The following TMEM237 variants were observed in gnomAD, a reference collection of about 807,000 sequenced individuals.
The protein encoded by TMEM237 is transmembrane protein 237.
Under a neutral mutation model 59.1 loss-of-function variants are expected in TMEM237, and 51 were observed. That is an observed-to-expected ratio of 0.86 (90% CI 0.69 to 1.09). TMEM237 has a LOEUF of 1.09. Ranked by LOEUF, TMEM237 falls within the 50% of genes least tolerant of loss-of-function variation. TMEM237 has a pLI of 0.00. For missense variants in TMEM237, 475 were observed against 478.3 expected, an observed-to-expected ratio of 0.99 and a Z score of 0.06; for synonymous variants, 140 against 166.1, an observed-to-expected ratio of 0.84 and a Z score of 1.21.
intron 1 of TMEM237, chr2:201,642,851 A>C (rs937215040): frequency 5.2e-6 from 7 of 1,340,432 alleles, no homozygotes; most frequent in Non-Finnish European, 6.6e-6. Context: ...AGTTGGGGGT[A>C]ATGTGCCCAG....
intron 5 of TMEM237, chr2:201,634,462 CTTGGTGTACT>C (rs1304791044): frequency 6.6e-6 from 1 of 152,218 alleles, no homozygotes; most frequent in Non-Finnish European, 1.5e-5. Flanking sequence ...ACCTGCCAGG[CTTGGTGTACT>C]TTGGAATGGC....
intron 2 of TMEM237, 95 bp from the exon 3 acceptor site, chr2:201,640,360 AT>A: frequency 8.2e-7 from 1 of 1,215,496 alleles, no homozygotes; most frequent in Middle Eastern, 2.0e-4. Context: ...CACAGTGAAA[AT>A]TGACTTAAAT....
In TMEM237 at chr2:201,635,862, C is replaced by T. The variant is rs1444389356; in HGVS notation, c.274+886G>A. ...GCAGACAACTTGATTTTGGACTTCT[C>T]ACCTAAGAACTATGAAAAAATAAAC... On this transcript the variant is annotated intron_variant, in intron 5 of 12. Coordinates refer to ENST00000409883, the MANE Select transcript of TMEM237 (RefSeq NM_001044385.3). This position sits in a 1 kb window ranked among gnomAD's most constrained non-coding sequence, Gnocchi z 4.5. Among the ~76,000 whole-genome samples the T allele has an allele frequency of 6.6e-6, 1 of 151,916 alleles. No homozygotes were observed. The highest frequency in any genetic ancestry group is 1.9e-4 in the East Asian group (1 of 5,196).
At chr2:201,630,723 AT>A (rs2105899570) in intron 7 of TMEM237, among the ~76,000 whole-genome samples, 1 of 152,312 alleles carries the variant, frequency 6.6e-6, no homozygotes, top group South Asian at 2.1e-4. Context: ...AACTGCGGTA[AT>A]TTAAATGACC....
In TMEM237 at chr2:201,624,315, C is replaced by T. The variant is rs1425289487; in HGVS notation, c.1167G>A (p.Met389Ile). Residue 389 changes from methionine to isoleucine, a missense_variant, in exon 13 of 13, where the codon ATG (methionine) becomes ATA (isoleucine). Coordinates refer to ENST00000409883, the MANE Select transcript of TMEM237 (RefSeq NM_001044385.3). ...GATATTCTTCCACCTCTGAGGAGAA[C>T]ATTAACTCTGGAGAAGAAAATGAAC... ...RPGMDLSEEL[M>I]FSSEVEEYPD... 6.2e-7 allele frequency: 1 copy of T among 1,610,818 alleles called. No individual in the cohort carries two copies. The highest frequency in any genetic ancestry group is 2.2e-5 in the East Asian group (1 of 44,658).
chr2:201,625,356 C>T (rs1237482843), intron 12 of TMEM237, among the ~76,000 whole-genome samples: 1 of 151,008 alleles, frequency 6.6e-6, no homozygotes, highest in Admixed American at 6.6e-5. Context: ...AGCGAGACTC[C>T]ATCTCCAAAA....
chr2:201,643,046 G>C lies in TMEM237; in HGVS notation c.42+313C>G. On this transcript the variant is annotated intron_variant, in intron 1 of 12. Coordinates refer to ENST00000409883, the MANE Select transcript of TMEM237 (RefSeq NM_001044385.3). This position sits in a 1 kb window ranked among gnomAD's most constrained non-coding sequence, Gnocchi z 4.3. ...CTCGGAGGAGTCTAGGAGAGGCCTG[G>C]CTGGAAGCCCCGGCACCCGCCGGGC... The C allele has an allele frequency of 8.0e-7, 1 of 1,254,050 alleles. No individual in the cohort carries two copies. Among genetic ancestry groups the C allele is most frequent in the Non-Finnish European group, 1.0e-6 (1 of 977,764 alleles). 77.7% of individuals were successfully genotyped at this position (1,254,050 alleles called of 1,614,324 possible).
chr2:201,624,971 T>G (rs1957744249), intron 12 of TMEM237, among the ~76,000 whole-genome samples: 1 of 152,192 alleles, frequency 6.6e-6, no homozygotes, highest in Admixed American at 6.5e-5. Context: ...AGCATAGATG[T>G]TGGCGAAATT....
intron 4 of TMEM237, 56 bp downstream of exon 4, chr2:201,638,933 A>G: frequency 6.7e-7 from 1 of 1,495,292 alleles, no homozygotes; most frequent in East Asian, 2.4e-5. Flanking sequence ...GATGTTTACT[A>G]CGCCTGAGGT....
chr2:201,625,983 G>A (rs1559584244), intron 12 of TMEM237, 43 bp downstream of exon 12: 1 of 1,537,744 alleles, frequency 6.5e-7, no homozygotes, highest in African/African-American at 1.4e-5. Context: ...AACCATTATA[G>A]AAGATTTCAG....
chr2:201,639,483 G>A (rs893322230), intron 3 of TMEM237, among the ~76,000 whole-genome samples: 1 of 152,104 alleles, frequency 6.6e-6, no homozygotes, highest in Non-Finnish European at 1.5e-5. Context: ...TAAGATGGTG[G>A]GACCACAGCA....
intron 5 of TMEM237, among the ~76,000 whole-genome samples, chr2:201,633,700 G>A (rs1344248682): frequency 5.9e-5 from 9 of 152,136 alleles, no homozygotes; most frequent in African/African-American, 1.7e-4. Context: ...CTCCTGGTTC[G>A]CTGACTTTCT....
Position 201,623,310 on chromosome 2 carries a change from A to C in TMEM237, c.*945T>G. On this transcript the variant is annotated 3_prime_UTR_variant, in exon 13 of 13. Transcript: ENST00000409883. ...CTTGAGCTTTAGGGTCTCATATACAACAGCTGAGGTACCATTGGATATAGT... is the reference window on the plus strand; with the variant it reads ...CTTGAGCTTTAGGGTCTCATATACACCAGCTGAGGTACCATTGGATATAGT... The C allele has an allele frequency of 2.7e-6, 1 of 363,728 alleles. No homozygotes were observed. Among genetic ancestry groups the C allele is most frequent in the Non-Finnish European group, 5.6e-6 (1 of 178,934 alleles). 22.5% of individuals were successfully genotyped at this position (363,728 alleles called of 1,614,324 possible).
rs886055447 is a variant in TMEM237, at chr2:201,626,070, G to C, written c.1115C>G (p.Ser372Cys). 1 of 1,604,142 alleles carries C rather than the reference G, an allele frequency of 6.2e-7. No homozygotes were observed. Among genetic ancestry groups the C allele is most frequent in the Non-Finnish European group, 8.5e-7 (1 of 1,174,922 alleles). The change falls in exon 12 of 13, where the codon TCT (serine) becomes TGT (cysteine). Residue 372 changes from serine to cysteine, a missense_variant. Ser to Cys is a moderately radical substitution (Grantham distance 112). Coordinates refer to ENST00000409883, the MANE Select transcript of TMEM237 (RefSeq NM_001044385.3). ...NLVVALLVGL[S>C]WLFLSYRPGM... ...TGGCCTATAAGACAAAAATAGCCAAGATAATCCAACCAGAAGAGCCACCAC... is the reference window on the plus strand; with the variant it reads ...TGGCCTATAAGACAAAAATAGCCAACATAATCCAACCAGAAGAGCCACCAC...
At chr2:201,640,952 T>G in intron 1 of TMEM237, 28 bp from the exon 2 acceptor site, 2 of 1,599,478 alleles carry the variant, frequency 1.3e-6, no homozygotes, top group Non-Finnish European at 1.7e-6. Context: ...AATTTGCTTG[T>G]AAGTAAAAGC....
Position 201,643,273 on chromosome 2 carries a change from C to CGGGGG in TMEM237, c.42+85_42+86insCCCCC. 4 of 1,223,752 alleles carry CGGGGG rather than the reference C, an allele frequency of 3.3e-6. No individual in the cohort carries two copies. The highest frequency in any genetic ancestry group is 4.6e-6 in the Non-Finnish European group (4 of 861,416). The allele number at this position is 1,223,752 out of a possible 1,614,324, so 75.8% of individuals were successfully genotyped here. On this transcript the variant is annotated intron_variant, in intron 1 of 12. Coordinates refer to ENST00000409883, the MANE Select transcript of TMEM237 (RefSeq NM_001044385.3). This position sits in a 1 kb window ranked among gnomAD's most constrained non-coding sequence, Gnocchi z 4.3. ...CCCTTAGTGATTCCCAGCTCGTTGGCGCCCCCCCACACACACCCACCCCCA... is the reference window on the plus strand; with the variant it reads ...CCCTTAGTGATTCCCAGCTCGTTGGCGGGGGGCCCCCCCACACACACCCACCCCCA...
intron 11 of TMEM237, among the ~76,000 whole-genome samples, chr2:201,626,625 AT>A (rs1173476274): frequency 6.6e-6 from 1 of 150,500 alleles, no homozygotes; most frequent in African/African-American, 2.4e-5. Flanking sequence ...CTGGCCGCTG[AT>A]CTGCAGATGT....
At chr2:201,625,591 G>A (rs564761405) in intron 12 of TMEM237, among the ~76,000 whole-genome samples, 2 of 152,268 alleles carry the variant, frequency 1.3e-5, no homozygotes, top group East Asian at 3.9e-4. Context: ...AACACTGTTA[G>A]CCAATGAACG....
chr2:201,642,248 T>G (rs1429534811), intron 1 of TMEM237, among the ~76,000 whole-genome samples: 4 of 152,154 alleles, frequency 2.6e-5, no homozygotes, highest in African/African-American at 9.7e-5. Flanking sequence ...CATAAGACAT[T>G]TATTCAAAAG....
Sources: allele counts gnomAD v4.1 joint callset (sites outside exome capture counted in the v4.1 genomes callset), GRCh38; gene constraint gnomAD v4.1.1; non-coding constraint Gnocchi (gnomAD v3.1); transcripts MANE v1.5; gene names NCBI Gene and HGNC (gene_info 2026-07-23, HGNC 2026-07-21).